AIFM3: variants seen among roughly 807,000 people sequenced by gnomAD.
The protein encoded by AIFM3 is AIF family member 3.
A neutral mutation model predicts 82.7 loss-of-function variants in AIFM3; 71 were observed. The ratio of observed to expected loss-of-function variants is 0.86; its 90% CI spans 0.71 to 1.05. The LOEUF is 1.05. AIFM3 is among the 50% of genes least tolerant of loss of function. AIFM3 has a pLI of 0.00. For missense variants in AIFM3, 748 were observed against 816.7 expected, an observed-to-expected ratio of 0.92 and a Z score of 1.03; for synonymous variants, 337 against 329.1, an observed-to-expected ratio of 1.02 and a Z score of -0.26.
At chr22:20,966,376 A>G (rs5761570), upstream of AIFM3, 98,903 of 152,200 alleles carry the variant, frequency 0.65, 32,631 homozygotes, top group African/African-American at 0.76. Context: ...GAGCCAAGGC[A>G]CGCCCCAGTG....
chr22:20,974,938 TC>T (rs747882532), intron 8 of AIFM3, 122 bp downstream of exon 8: 130 of 860,652 alleles, frequency 1.5e-4, no homozygotes, highest in Middle Eastern at 3.5e-4. Context: ...GCCAGGCCTG[TC>T]CGTGGTACCC....
At chr22:20,972,127 G>A (rs940699070) in intron 2 of AIFM3, among the ~76,000 whole-genome samples, 23 of 152,244 alleles carry the variant, frequency 1.5e-4, no homozygotes, top group African/African-American at 5.1e-4. Flanking sequence ...AAATCGGGCC[G>A]GGAGTGGTGG....
At chr22:20,968,381 TTC>T (rs892878740) in intron 2 of AIFM3, among the ~76,000 whole-genome samples, 5 of 152,140 alleles carry the variant, frequency 3.3e-5, no homozygotes, top group African/African-American at 1.2e-4. Flanking sequence ...GCCTCTGTTT[TTC>T]TCTCTGCAAA....
Position 20,979,766 on chromosome 22 carries a change from T to C in AIFM3, c.1652+64T>C, listed in dbSNP as rs576660270. 1.2e-5 allele frequency: 19 copies of C among 1,587,994 alleles called. 1 individual carries two copies. In the African/African-American group the frequency reaches 1.3e-4, roughly 11 times the overall value. ...GAGCTCAGTCGGGAAGGGGGATTCATCCCAGGCAAAATCCCAGAACAAGAG... is the reference window on the plus strand; with the variant it reads ...GAGCTCAGTCGGGAAGGGGGATTCACCCCAGGCAAAATCCCAGAACAAGAG... On this transcript the variant is annotated intron_variant, in intron 18 of 20. Coordinates refer to ENST00000440238, the MANE Select transcript of AIFM3 (RefSeq NM_001386814.1).
rs766419467 is a variant in AIFM3, at chr22:20,977,657, A to C, written c.1283-43A>C. ...TAGGGTGTGGAGAGTGACTACGCAG[A>C]AGGCAGGGACAGGGGAGTGGACACA... On this transcript the variant is annotated intron_variant, in intron 14 of 20. Coordinates refer to ENST00000440238, the MANE Select transcript of AIFM3 (RefSeq NM_001386814.1). 2.5e-6 allele frequency: 4 copies of C among 1,612,244 alleles called. No homozygotes were observed. The African/African-American group carries it at 5.3e-5, about 22-fold the overall frequency.
Position 20,979,261 on chromosome 22 carries a change from G to A in AIFM3, c.1478-10G>A. ...GAGAGTTAGGGTTCTCACGGCCCTG[G>A]GTCCCGCAGGGCGCGTGGCAGCCCA... On this transcript the variant is annotated splice_polypyrimidine_tract_variant and intron_variant, in intron 16 of 20. Transcript: ENST00000440238. The A allele has an allele frequency of 6.4e-7, 1 of 1,552,950 alleles. No individual in the cohort carries two copies.
chr22:20,968,098 C>T (rs949684585), intron 2 of AIFM3, 123 bp downstream of exon 2: 13 of 987,042 alleles, frequency 1.3e-5, no homozygotes, highest in Admixed American at 7.2e-5. Context: ...TCCAAGAACC[C>T]GCTCGGAATG....
In AIFM3 at chr22:20,979,632, G is replaced by A. The variant is rs377494972; in HGVS notation, c.1582G>A (p.Gly528Arg). 2.8e-5 allele frequency: 45 copies of A among 1,614,064 alleles called. No homozygotes were observed. Among genetic ancestry groups the A allele is most frequent in the Non-Finnish European group, 3.6e-5 (43 of 1,180,040 alleles). Residue 528 changes from glycine to arginine, a missense_variant, in exon 18 of 21, where the codon GGA (glycine) becomes AGA (arginine). Gly to Arg is a moderately radical substitution (Grantham distance 125). Around this residue, in one of 5 missense-constraint regions of AIFM3, gnomAD observed 183 missense variants for 158.2 expected, o/e 1.16. Transcript: ENST00000440238. ...FGKSLRYAGY[G>R]EGFDDVIIQG... ...CCCACCTGCCCGGCCCACAGGCTACGGAGAAGGCTTCGACGACGTCATCAT... is the reference window on the plus strand; with the variant it reads ...CCCACCTGCCCGGCCCACAGGCTACAGAGAAGGCTTCGACGACGTCATCAT...
At position 20,973,761 on chromosome 22, in the gene AIFM3, G is replaced by A; in HGVS notation, c.249G>A (p.Met83Ile). Residue 83 changes from methionine (M) to isoleucine (I), a missense_variant, in exon 4 of 21, where the codon ATG becomes ATA. Physicochemically the swap from Met to Ile is conservative, Grantham distance 10 (BLOSUM62 1). Transcript: ENST00000440238. The part of the protein sequence containing the change: ...CHVKDLENGQ[M>I]REVELGWGKV... ...TCTGAGTGCTGCGGTTCCCCAGGAT[G>A]CGGGAAGTGGAGCTGGGCTGGGGGA... The A allele has an allele frequency of 6.4e-7, 1 of 1,556,830 alleles. No individual in the cohort carries two copies. Among genetic ancestry groups the A allele is most frequent in the Non-Finnish European group, 8.7e-7 (1 of 1,151,154 alleles).
intron 18 of AIFM3, 67 bp from the exon 19 acceptor site, chr22:20,979,953 G>C: frequency 7.0e-7 from 1 of 1,435,046 alleles, no homozygotes. Flanking sequence ...GGACAGCAGT[G>C]CATCAGGGTT....
Position 20,976,271 on chromosome 22 carries a change from G to A in AIFM3, c.864G>A (p.Leu288=). 6.2e-7 allele frequency: 1 copy of A among 1,614,074 alleles called. No homozygotes were observed. The highest frequency in any genetic ancestry group is 1.3e-5 in the African/African-American group (1 of 75,050). ...TCGTGTTCAAGGATGGCTTCAAGCT[G>A]GAGTACAGCAAGCTGCTGCTGGCAC... ...KKVVFKDGFK[L]EYSKLLLAPG... is the part of the protein sequence containing the mutation. The change falls in exon 10 of 21, where the codon CTG becomes CTA. Residue 288 remains leucine, a synonymous_variant. Coordinates refer to ENST00000440238, the MANE Select transcript of AIFM3 (RefSeq NM_001386814.1).
rs1170291531 is a variant in AIFM3 at position 20,981,144 on chromosome 22, C to T, written c.*113C>T. The T allele has an allele frequency of 2.7e-6, 4 of 1,461,370 alleles. No homozygotes were observed. The highest frequency in any genetic ancestry group is 1.2e-5 in the South Asian group (1 of 82,368). The allele number at this position is 1,461,370 out of a possible 1,614,324, so 90.5% of individuals were successfully genotyped here. ...GATCCCCCAGGGCAGAACCTGAGCC[C>T]TCCCAGTGCTTGCCTTCAGCCACCT... On this transcript the variant is annotated 3_prime_UTR_variant, in exon 21 of 21. Transcript: ENST00000440238.
chr22:20,974,433 G>A (rs1274602340), intron 6 of AIFM3, 92 bp from the exon 7 acceptor site: 7 of 1,559,350 alleles, frequency 4.5e-6, no homozygotes, highest in Admixed American at 1.9e-5. Context: ...GTTGCGGTAG[G>A]GATGAGGCTG....
chr22:20,973,972 C>T, intron 4 of AIFM3, 91 bp from the exon 5 acceptor site: 1 of 1,487,470 alleles, frequency 6.7e-7, no homozygotes. Flanking sequence ...GTCTCCTGGG[C>T]TGTGGGGAGG....
Position 20,979,657 on chromosome 22 carries a change from T to C in AIFM3, c.1607T>C (p.Ile536Thr). The change falls in exon 18 of 21, where the codon ATC becomes ACC. Residue 536 changes from isoleucine (I) to threonine (T), a missense_variant. This residue lies in a region of AIFM3 where 183 missense variants were observed against 158.2 expected (regional missense o/e 1.16). Coordinates refer to ENST00000440238, the MANE Select transcript of AIFM3 (RefSeq NM_001386814.1). Reference protein sequence around the residue: ...GYGEGFDDVIIQGDLEELKFV... With the variant: ...GYGEGFDDVITQGDLEELKFV... ...GGAGAAGGCTTCGACGACGTCATCA[T>C]CCAGGGGGATCTGGAGGAGCTGAAG... The C allele has an allele frequency of 6.2e-7, 1 of 1,614,202 alleles. No individual in the cohort carries two copies. The highest frequency in any genetic ancestry group is 8.5e-7 in the Non-Finnish European group (1 of 1,180,044).
chr22:20,981,090 T>A lies in AIFM3; in HGVS notation c.*59T>A. The A allele has an allele frequency of 6.2e-7, 1 of 1,607,000 alleles. No individual in the cohort carries two copies. Among genetic ancestry groups the A allele is most frequent in the South Asian group, 1.1e-5 (1 of 90,300 alleles). On this transcript the variant is annotated 3_prime_UTR_variant, in exon 21 of 21. Transcript: ENST00000440238. The stretch of plus-strand genomic sequence containing the variant: ...GGCACCAAGGGCACAGGCCAAGCCT[T>A]GGGGGCAGGTGCCAATCTCCAGTCC...
chr22:20,979,575 C>T (rs1453808163), intron 17 of AIFM3, 52 bp from the exon 18 acceptor site: 1 of 1,605,286 alleles, frequency 6.2e-7, no homozygotes, highest in Non-Finnish European at 8.5e-7. Flanking sequence ...CCTGTGACGT[C>T]TCGTTCCCTC....
At position 20,974,038 on chromosome 22, in the gene AIFM3, G is replaced by C. The variant is rs80133973; in HGVS notation, c.356-25G>C. ...TGGGAAGCAACCCCTGCTGGTGGGC[G>C]CAGCCTAACACCTCCCCTTCCCAGG... On this transcript the variant is annotated intron_variant, in intron 4 of 20. Transcript: ENST00000440238. 22,171 of 1,581,742 alleles carry C rather than the reference G, an allele frequency of 0.014. 2,658 individuals are homozygous for C. In the African/African-American group the frequency reaches 0.26, roughly 19 times the overall value.
In AIFM3 at chr22:20,976,860, C is replaced by T; in HGVS notation, c.1147-7C>T. On this transcript the variant is annotated splice_polypyrimidine_tract_variant and splice_region_variant and intron_variant, in intron 12 of 20. Transcript: ENST00000440238. The stretch of plus-strand genomic sequence containing the variant: ...TCCACCGCCCACCTGCCCACTTGCC[C>T]TGACAGATGTTTGAGAACAACCGGG... The T allele has an allele frequency of 6.3e-7, 1 of 1,598,754 alleles. No individual in the cohort carries two copies.
Sources: gnomAD v4.1 joint callset for allele counts (sites outside exome capture counted in the v4.1 genomes callset) on GRCh38, gnomAD v4.1.1 for gene constraint, gnomAD v4.1.1 regional missense constraint, MANE v1.5 for transcripts, NCBI Gene and HGNC (gene_info 2026-07-23, HGNC 2026-07-21) for gene names.